Variants in ABHD17C observed in about 807,000 individuals in gnomAD.
ABHD17C encodes alpha/beta hydrolase domain-containing protein 17C.
Under a neutral mutation model 27.9 loss-of-function variants are expected in ABHD17C, and 11 were observed. The observed-to-expected ratio is 0.39, with a 90% confidence interval of 0.25 to 0.65. The LOEUF is 0.65. Among genes scored for constraint, ABHD17C ranks in the 30% least tolerant of loss-of-function variants. The probability of loss-of-function intolerance (pLI) is 0.45; values close to 1 mark genes in which losing one functional copy is unlikely to be tolerated. For synonymous variants in ABHD17C, 233 were observed against 209.1 expected, an observed-to-expected ratio of 1.11 and a Z score of -0.98; for missense variants, 280 against 470.2, an observed-to-expected ratio of 0.60 and a Z score of 3.74.
chr15:80,698,163 C>T (rs2141487061), intron 1 of ABHD17C, among the ~76,000 whole-genome samples: 1 of 149,110 alleles, frequency 6.7e-6, no homozygotes. Context: ...CTCCCGGGTT[C>T]ACGCCATTCT....
Position 80,755,290 on chromosome 15 carries a change from C to T in ABHD17C, c.*920C>T, listed in dbSNP as rs1465668087. On this transcript the variant is annotated 3_prime_UTR_variant, in exon 3 of 3. Transcript: ENST00000258884. ...TTATAACATTTCCAAGACAAAAATT[C>T]CAAGTTTATGCTTTGAAGAATTTAT... The T allele has an allele frequency of 1.3e-5, 2 of 152,092 alleles. No homozygotes were observed. Among genetic ancestry groups the T allele is most frequent in the Non-Finnish European group, 2.9e-5 (2 of 68,008 alleles). 9.4% of individuals were successfully genotyped at this position (152,092 alleles called of 1,614,324 possible). A position where few individuals can be genotyped will look rare whatever the true frequency, so the allele number is the denominator to read the frequency against.
At chr15:80,710,257 T>C (rs1394656163) in intron 1 of ABHD17C, among the ~76,000 whole-genome samples, 1 of 151,800 alleles carries the variant, frequency 6.6e-6, no homozygotes, top group East Asian at 1.9e-4. Context: ...GCAGGGCAAG[T>C]AAGGGGTGCA....
intron 1 of ABHD17C, among the ~76,000 whole-genome samples, chr15:80,723,696 A>C (rs973299116): frequency 3.0e-4 from 46 of 152,228 alleles, no homozygotes; most frequent in African/African-American, 1.0e-3. Flanking sequence ...CTGTTCAGGC[A>C]CAACTTAAAG....
At chr15:80,729,448 A>G (rs1435306533) in intron 1 of ABHD17C, among the ~76,000 whole-genome samples, 3 of 152,214 alleles carry the variant, frequency 2.0e-5, no homozygotes, top group Admixed American at 2.0e-4. Context: ...AAAAGGGTGA[A>G]AAACAAGCTT....
chr15:80,721,538 T>C (rs1894897472), intron 1 of ABHD17C, among the ~76,000 whole-genome samples: 1 of 152,216 alleles, frequency 6.6e-6, no homozygotes, highest in African/African-American at 2.4e-5. Context: ...AATCATTTAG[T>C]ACATGTACTT....
intron 2 of ABHD17C, among the ~76,000 whole-genome samples, chr15:80,751,554 C>T (rs906627770): frequency 2.0e-5 from 3 of 152,122 alleles, no homozygotes; most frequent in African/African-American, 7.2e-5. Context: ...CCAACCTGGG[C>T]AACACCACAG....
chr15:80,724,974 A>G (rs1217389011), intron 1 of ABHD17C, among the ~76,000 whole-genome samples: 2 of 152,204 alleles, frequency 1.3e-5, no homozygotes, highest in Non-Finnish European at 2.9e-5. Context: ...TAGTACTTCC[A>G]TGTTGTCTTC....
chr15:80,714,673 T>C (rs1894779306), intron 1 of ABHD17C, among the ~76,000 whole-genome samples: 1 of 152,234 alleles, frequency 6.6e-6, no homozygotes, highest in African/African-American at 2.4e-5. Flanking sequence ...TTCATTGTTT[T>C]TTGTGTGTTT....
intron 1 of ABHD17C, among the ~76,000 whole-genome samples, chr15:80,721,427 G>A (rs1433097451): frequency 1.3e-5 from 2 of 152,052 alleles, no homozygotes; most frequent in African/African-American, 4.8e-5. Flanking sequence ...AAAGAGCCTG[G>A]TCACTGGCTC....
At chr15:80,732,183 G>A (rs1168636304) in intron 1 of ABHD17C, among the ~76,000 whole-genome samples, 14 of 152,192 alleles carry the variant, frequency 9.2e-5, no homozygotes, top group Admixed American at 7.9e-4. Flanking sequence ...TTTTACACAC[G>A]AGAGAACGGA....
intron 2 of ABHD17C, among the ~76,000 whole-genome samples, chr15:80,752,021 A>G (rs1895372162): frequency 6.6e-6 from 1 of 152,244 alleles, no homozygotes; most frequent in Non-Finnish European, 1.5e-5. Context: ...AAAGGAATCC[A>G]GATTATTATT....
intron 1 of ABHD17C, among the ~76,000 whole-genome samples, chr15:80,747,455 C>A (rs1196114310): frequency 6.6e-6 from 1 of 152,150 alleles, no homozygotes; most frequent in Non-Finnish European, 1.5e-5. Context: ...GACAGCTTAC[C>A]TTCAGCATTG....
chr15:80,725,163 C>T (rs1894955611), intron 1 of ABHD17C, among the ~76,000 whole-genome samples: 1 of 152,192 alleles, frequency 6.6e-6, no homozygotes, highest in African/African-American at 2.4e-5. Flanking sequence ...TATCAGGGTC[C>T]AGTCTTACAG....
At chr15:80,723,698 A>G (rs1357588425) in intron 1 of ABHD17C, among the ~76,000 whole-genome samples, 1 of 152,210 alleles carries the variant, frequency 6.6e-6, no homozygotes, top group Non-Finnish European at 1.5e-5. Flanking sequence ...GTTCAGGCAC[A>G]ACTTAAAGTC....
intron 1 of ABHD17C, among the ~76,000 whole-genome samples, chr15:80,722,047 T>C (rs1596065636): frequency 2.0e-5 from 3 of 152,302 alleles, no homozygotes; most frequent in Admixed American, 2.0e-4. Context: ...CTCTCTGGGA[T>C]TCAGGTGGTT....
intron 1 of ABHD17C, among the ~76,000 whole-genome samples, chr15:80,733,116 G>T (rs12917526): frequency 1.3e-5 from 2 of 152,060 alleles, no homozygotes; most frequent in Admixed American, 6.5e-5. Context: ...AGGCAGAGCT[G>T]GGTTCAGACC....
rs1044909575 is a variant in ABHD17C, at chr15:80,755,385, G to A, written c.*1015G>A. 12 of 152,122 alleles carry A rather than the reference G, an allele frequency of 7.9e-5. No homozygotes were observed. The highest frequency in any genetic ancestry group is 1.0e-4 in the Non-Finnish European group (7 of 68,008). The allele number at this position is 152,122 out of a possible 1,614,324, so 9.4% of individuals were successfully genotyped here. A position where few individuals can be genotyped will look rare whatever the true frequency, so the allele number is the denominator to read the frequency against. ...TTTGGGTTTTGACACTGGAAGTTGC[G>A]CCAAATAAGCATCAGAAATAGGAGA... On this transcript the variant is annotated 3_prime_UTR_variant, in exon 3 of 3. Transcript: ENST00000258884.
chr15:80,731,416 T>C (rs146410200), intron 1 of ABHD17C, among the ~76,000 whole-genome samples: 1 of 152,272 alleles, frequency 6.6e-6, no homozygotes, highest in East Asian at 1.9e-4. Flanking sequence ...TTGTACTTTT[T>C]AAAAATCCAG....
intron 1 of ABHD17C, among the ~76,000 whole-genome samples, chr15:80,726,724 G>A (rs1317143445): frequency 1.3e-5 from 2 of 151,996 alleles, no homozygotes; most frequent in East Asian, 1.9e-4. Context: ...GTGTTAGTCA[G>A]GATGGTTAGT....
Sources: allele counts gnomAD v4.1 joint callset (sites outside exome capture counted in the v4.1 genomes callset), GRCh38; gene constraint gnomAD v4.1.1; transcripts MANE v1.5; gene names NCBI Gene and HGNC (gene_info 2026-07-23, HGNC 2026-07-21).